TCF12: variants seen among roughly 807,000 people sequenced by gnomAD.
TCF12 encodes the protein transcription factor 12.
In TCF12, 45 loss-of-function variants were observed where a neutral mutation model predicts 86.0. That is an observed-to-expected ratio of 0.52 (90% CI 0.41 to 0.67). TCF12 has a LOEUF of 0.67. Among genes scored for constraint, TCF12 ranks in the 30% least tolerant of loss-of-function variants. TCF12 has a pLI of 0.00. For missense variants in TCF12, 881 were observed against 859.9 expected (o/e 1.02, Z -0.31); for synonymous variants, 330 against 299.6 (o/e 1.10, Z -1.05).
At chr15:56,931,845 A>C (rs1412807524) in intron 3 of TCF12, among the ~76,000 whole-genome samples, 2 of 152,220 alleles carry the variant, frequency 1.3e-5, no homozygotes, top group Non-Finnish European at 2.9e-5. Context: ...GTAGACCAGT[A>C]AGCCATTGAC....
intron 3 of TCF12, among the ~76,000 whole-genome samples, chr15:56,924,643 T>C (rs1473189944): frequency 6.6e-6 from 1 of 152,194 alleles, no homozygotes; most frequent in Non-Finnish European, 1.5e-5. Flanking sequence ...ACATACTTGT[T>C]AATATTGAGC....
At chr15:56,931,443 T>A (rs1202734421) in intron 3 of TCF12, among the ~76,000 whole-genome samples, 2 of 152,122 alleles carry the variant, frequency 1.3e-5, no homozygotes, top group Admixed American at 1.3e-4. Context: ...TAAGAAGCAT[T>A]ATATGATCTC....
At chr15:57,047,053 A>G (rs1437062527) in intron 3 of TCF12, among the ~76,000 whole-genome samples, 7 of 152,328 alleles carry the variant, frequency 4.6e-5, no homozygotes, top group Middle Eastern at 3.4e-3. Context: ...TTAGTTTGAA[A>G]GTTTTAAAGG....
Position 57,251,414 on chromosome 15 carries a change from C to G in TCF12, c.1179C>G (p.Leu393=), listed in dbSNP as rs765049366. ...CATCCCCAAGCTATGAAAACTCACTCCACTCCCTGGTAAGAGCCTCTTATA... is the reference window on the plus strand; with the variant it reads ...CATCCCCAAGCTATGAAAACTCACTGCACTCCCTGGTAAGAGCCTCTTATA... ...APSSPSYENS[L]HSLKNRVEQQ... Residue 393 remains leucine (L), a synonymous_variant, in exon 14 of 21, where the codon CTC becomes CTG. Coordinates refer to ENST00000333725, the MANE Select transcript of TCF12 (RefSeq NM_207037.2). 29 of 1,613,882 alleles carry G rather than the reference C, an allele frequency of 1.8e-5. No individual in the cohort carries two copies. The highest frequency in any genetic ancestry group is 2.4e-5 in the Non-Finnish European group (28 of 1,179,856).
chr15:57,252,473 T>C lies in TCF12; in HGVS notation c.1241T>C (p.Phe414Ser), dbSNP rs367623185. 5.0e-6 allele frequency: 8 copies of C among 1,613,834 alleles called. No individual in the cohort carries two copies. Among genetic ancestry groups the C allele is most frequent in the African/African-American group, 1.3e-5 (1 of 74,950 alleles). The change falls in exon 15 of 21, where the codon TTC (phenylalanine) becomes TCC (serine). Residue 414 changes from phenylalanine (F) to serine (S), a missense_variant. Around this residue, in one of 3 missense-constraint regions of TCF12, gnomAD observed 766 missense variants for 718.9 expected, o/e 1.07. Transcript: ENST00000333725. ...LHEHLQDAMS[F>S]LKDVCEQSRM... ...GAGCATTTGCAAGATGCAATGTCCT[T>C]CTTAAAGGATGTCTGTGAGGTACTA...
At position 57,029,769 on chromosome 15, in the gene TCF12, T is replaced by G. The variant is rs73413317; in HGVS notation, c.149-33981T>G. On this transcript the variant is annotated intron_variant, in intron 3 of 20. Transcript: ENST00000333725. ...TCTTAATCCCTGGCAGCCATTGATC[T>G]GTTCTCTGTTACTGTAGTTTTATCT... Among the ~76,000 whole-genome samples, 734 of 151,902 alleles carry G rather than the reference T, an allele frequency of 4.8e-3. 4 individuals are homozygous for G. The highest frequency in any genetic ancestry group is 0.016 in the African/African-American group (682 of 41,408).
intron 3 of TCF12, among the ~76,000 whole-genome samples, chr15:57,049,120 T>C (rs1325510487): frequency 1.3e-5 from 2 of 152,060 alleles, no homozygotes; most frequent in African/African-American, 4.8e-5. Flanking sequence ...GGTATAAAGG[T>C]CTTGGCCCAC....
intron 3 of TCF12, among the ~76,000 whole-genome samples, chr15:56,999,602 A>G (rs1374170018): frequency 6.6e-6 from 1 of 151,970 alleles, no homozygotes; most frequent in Non-Finnish European, 1.5e-5. Flanking sequence ...GGCCGGGTGC[A>G]GTGGTTCATG....
intron 5 of TCF12, among the ~76,000 whole-genome samples, chr15:57,138,953 A>G (rs889638501): frequency 6.6e-6 from 1 of 152,220 alleles, no homozygotes; most frequent in Non-Finnish European, 1.5e-5. Flanking sequence ...GATTAAATTA[A>G]CCAGTAGCTG....
intron 3 of TCF12, among the ~76,000 whole-genome samples, chr15:57,043,094 A>C (rs935576951): frequency 6.6e-6 from 1 of 152,144 alleles, no homozygotes; most frequent in Non-Finnish European, 1.5e-5. Context: ...CTTTCTTTTA[A>C]GGCTAAATAA....
At position 57,024,835 on chromosome 15, in the gene TCF12, G is replaced by A. The variant is rs1158439932; in HGVS notation, c.149-38915G>A. On this transcript the variant is annotated intron_variant, in intron 3 of 20. Transcript: ENST00000333725. Reference sequence around the variant, plus strand: ...CGTCAACAAGCTCACTTCCCTTTGGGATAAGGTAGGTAAGGGAGAGGAACG... The same window carrying A: ...CGTCAACAAGCTCACTTCCCTTTGGAATAAGGTAGGTAAGGGAGAGGAACG... 3.3e-5 allele frequency among the ~76,000 whole-genome samples: 5 copies of A among 152,180 alleles called. No individual in the cohort carries two copies. In the South Asian group the frequency reaches 1.0e-3, roughly 32 times the overall value.
At chr15:57,122,983 G>C (rs147830854) in intron 5 of TCF12, among the ~76,000 whole-genome samples, 9 of 152,198 alleles carry the variant, frequency 5.9e-5, no homozygotes, top group African/African-American at 2.2e-4. Context: ...TCAGATTATT[G>C]TGGAGAAAAG....
chr15:57,211,006 G>T (rs1881457988), intron 8 of TCF12, among the ~76,000 whole-genome samples: 2 of 152,184 alleles, frequency 1.3e-5, no homozygotes, highest in Non-Finnish European at 2.9e-5. Context: ...TTAACTCTGT[G>T]TTGCGTGCTA....
intron 3 of TCF12, among the ~76,000 whole-genome samples, chr15:56,935,063 G>A (rs1487604860): frequency 6.6e-6 from 1 of 152,154 alleles, no homozygotes; most frequent in Non-Finnish European, 1.5e-5. Context: ...CCTTGGAAAC[G>A]GATAGTGAGG....
chr15:57,163,941 C>T lies in TCF12; in HGVS notation c.326-2461C>T, dbSNP rs114559485. ...TAATTGTGTTCTTCTTTGGCAGGTC[C>T]GGTTTCTAAATAGATAGGGAATTTC... On this transcript the variant is annotated intron_variant, in intron 5 of 20. Coordinates refer to ENST00000333725, the MANE Select transcript of TCF12 (RefSeq NM_207037.2). 7.4e-3 allele frequency among the ~76,000 whole-genome samples: 1,133 copies of T among 152,122 alleles called. 14 individuals are homozygous for T. The highest frequency in any genetic ancestry group is 0.026 in the African/African-American group (1,084 of 41,496).
At chr15:56,978,482 C>A (rs1435585308) in intron 3 of TCF12, among the ~76,000 whole-genome samples, 1 of 151,806 alleles carries the variant, frequency 6.6e-6, no homozygotes, top group East Asian at 1.9e-4. Flanking sequence ...AGAGAGTTAC[C>A]CAGACAAAAC....
chr15:56,934,060 G>A (rs2060363382), intron 3 of TCF12, among the ~76,000 whole-genome samples: 1 of 152,020 alleles, frequency 6.6e-6, no homozygotes. Flanking sequence ...GGGGGAAATT[G>A]AAGCACTAAA....
At chr15:57,269,176 T>C (rs2061006939) in intron 18 of TCF12, among the ~76,000 whole-genome samples, 1 of 152,104 alleles carries the variant, frequency 6.6e-6, no homozygotes, top group African/African-American at 2.4e-5. Flanking sequence ...TTTGTAGGTC[T>C]GTAAGAACTT....
chr15:57,066,213 C>T (rs752569774), intron 4 of TCF12, among the ~76,000 whole-genome samples: 101 of 152,212 alleles, frequency 6.6e-4, no homozygotes, highest in East Asian at 7.7e-4. Flanking sequence ...TAACAGTATT[C>T]ACCATCTTGA....
Sources: gnomAD v4.1 joint callset for allele counts (sites outside exome capture counted in the v4.1 genomes callset) on GRCh38, gnomAD v4.1.1 for gene constraint, gnomAD v4.1.1 regional missense constraint, MANE v1.5 for transcripts, NCBI Gene and HGNC (gene_info 2026-07-23, HGNC 2026-07-21) for gene names.